Variants in LINGO2 observed in about 807,000 individuals in gnomAD.
The protein encoded by LINGO2 is leucine-rich repeat and immunoglobulin-like domain-containing nogo receptor-interacting protein 2.
In LINGO2, 14 loss-of-function variants were observed where a neutral mutation model predicts 30.6. The observed-to-expected ratio is 0.46, with a 90% CI of 0.30 to 0.72. The LOEUF is 0.72. LINGO2 is among the 30% of genes least tolerant of loss of function. LINGO2 has a pLI of 0.07. For synonymous variants in LINGO2, 317 were observed against 288.5 expected (o/e 1.10, Z -1.00); for missense variants, 729 against 751.7 (o/e 0.97, Z 0.35).
chr9:29,194,049 T>G, the LINGO2 span, among the ~76,000 whole-genome samples: 5 of 152,098 alleles, frequency 3.3e-5, no homozygotes, highest in African/African-American at 9.7e-5. Context: ...ACCACAGTAA[T>G]CTGGGCACTC....
intron 5 of LINGO2, among the ~76,000 whole-genome samples, chr9:27,970,444 A>G (rs1204816117): frequency 2.0e-5 from 3 of 152,202 alleles, no homozygotes; most frequent in East Asian, 3.9e-4. Context: ...TTTAGGAAAA[A>G]CATGTCTAAA....
chr9:28,035,847 T>C (rs749229615), intron 4 of LINGO2, among the ~76,000 whole-genome samples: 26 of 151,846 alleles, frequency 1.7e-4, no homozygotes, highest in Non-Finnish European at 3.4e-4. Context: ...TAGCTATGAA[T>C]TGCTTTTTAA....
At chr9:28,525,448 A>C (rs1482346512) in intron 1 of LINGO2, among the ~76,000 whole-genome samples, 1 of 152,238 alleles carries the variant, frequency 6.6e-6, no homozygotes, top group African/African-American at 2.4e-5. Flanking sequence ...AAAACAAAAT[A>C]TGGTATACCT....
At chr9:29,100,589 T>C in the LINGO2 span, among the ~76,000 whole-genome samples, 1 of 148,742 alleles carries the variant, frequency 6.7e-6, no homozygotes. Flanking sequence ...GCAAGACTCT[T>C]ATCTCAAAAA....
At chr9:28,835,751 T>A in the LINGO2 span, among the ~76,000 whole-genome samples, 2 of 152,188 alleles carry the variant, frequency 1.3e-5, no homozygotes, top group African/African-American at 4.8e-5. Flanking sequence ...AACTTCTTTC[T>A]CATTTGCTAA....
At chr9:28,355,623 G>A (rs1820171558) in intron 3 of LINGO2, among the ~76,000 whole-genome samples, 1 of 152,070 alleles carries the variant, frequency 6.6e-6, no homozygotes, top group South Asian at 2.1e-4. Context: ...CAGGTGGACA[G>A]AGATCCCTAG....
chr9:28,520,636 A>T (rs2135398074), intron 1 of LINGO2, among the ~76,000 whole-genome samples: 1 of 152,264 alleles, frequency 6.6e-6, no homozygotes, highest in South Asian at 2.1e-4. Flanking sequence ...TTTCTCCAGA[A>T]CCTAGAAGAC....
chr9:29,202,085 C>T, the LINGO2 span, among the ~76,000 whole-genome samples: 1 of 152,000 alleles, frequency 6.6e-6, no homozygotes, highest in East Asian at 1.9e-4. Context: ...TTAGTAAGAA[C>T]TAGGTCCAAA....
intron 1 of LINGO2, among the ~76,000 whole-genome samples, chr9:28,632,872 ATATATATG>A (rs1163835868): frequency 0.039 from 4,252 of 109,766 alleles, 130 homozygotes; most frequent in Non-Finnish European, 0.051. Flanking sequence ...ATATATATAT[ATATATATG>A]TAGAGAGAGA....
At chr9:28,312,684 T>C (rs1824677577) in intron 3 of LINGO2, among the ~76,000 whole-genome samples, 1 of 152,084 alleles carries the variant, frequency 6.6e-6, no homozygotes, top group Admixed American at 6.5e-5. Context: ...CAAGACAGAG[T>C]GCAATTATTA....
the LINGO2 span, among the ~76,000 whole-genome samples, chr9:28,815,913 C>A: frequency 2.0e-5 from 3 of 152,156 alleles, no homozygotes; most frequent in Non-Finnish European, 4.4e-5. Flanking sequence ...GAACGGAATA[C>A]CACGGGCTGG....
the LINGO2 span, among the ~76,000 whole-genome samples, chr9:28,816,860 G>C: frequency 6.6e-6 from 1 of 152,076 alleles, no homozygotes; most frequent in Non-Finnish European, 1.5e-5. Context: ...ATTAATAAAA[G>C]AGAGCAAGAC....
At chr9:28,729,603 T>C in the LINGO2 span, among the ~76,000 whole-genome samples, 21 of 151,310 alleles carry the variant, frequency 1.4e-4, 1 homozygote, top group South Asian at 4.4e-3. Flanking sequence ...AAAATCACAA[T>C]ATCCTAAATG....
chr9:28,865,532 C>T, the LINGO2 span, among the ~76,000 whole-genome samples: 1 of 152,096 alleles, frequency 6.6e-6, no homozygotes, highest in Non-Finnish European at 1.5e-5. Flanking sequence ...TCTGTAATCC[C>T]AGCACTTTGA....
chr9:28,220,490 A>AT (rs944572013), intron 4 of LINGO2, among the ~76,000 whole-genome samples: 1 of 152,126 alleles, frequency 6.6e-6, no homozygotes, highest in African/African-American at 2.4e-5. Context: ...TGCTATGGAT[A>AT]TTTTTTTAGA....
At chr9:28,404,695 A>C (rs1487786977) in intron 2 of LINGO2, among the ~76,000 whole-genome samples, 6 of 152,156 alleles carry the variant, frequency 3.9e-5, no homozygotes, top group Admixed American at 3.9e-4. Flanking sequence ...GCATACTTGC[A>C]TCACTTGGGC....
rs1277148153 is a variant in LINGO2 at position 28,130,087 on chromosome 9, T to A, written c.-86-117682A>T. Among the ~76,000 whole-genome samples, 1 of 152,254 alleles carries A rather than the reference T, an allele frequency of 6.6e-6. No homozygotes were observed. On this transcript the variant is annotated intron_variant, in intron 4 of 5. Coordinates refer to ENST00000379992, the Ensembl canonical transcript of LINGO2. This position sits in a 1 kb window ranked among gnomAD's most constrained non-coding sequence, Gnocchi z 5.2. ...ATGAATATAGTTATTGATCTTCAGG[T>A]AAACTCTTGGGGATTTTGTCAATTC...
intron 4 of LINGO2, among the ~76,000 whole-genome samples, chr9:28,186,756 G>T (rs1448647105): frequency 6.6e-6 from 1 of 152,122 alleles, no homozygotes; most frequent in Non-Finnish European, 1.5e-5. Flanking sequence ...AAGAACAGAT[G>T]CGAAGGCCCT....
At chr9:28,942,101 G>A in the LINGO2 span, among the ~76,000 whole-genome samples, 2 of 152,104 alleles carry the variant, frequency 1.3e-5, no homozygotes, top group East Asian at 1.9e-4. Context: ...GGACAAGAAT[G>A]AGAACCATGT....
Sources: gnomAD v4.1 joint callset for allele counts (sites outside exome capture counted in the v4.1 genomes callset) on GRCh38, gnomAD v4.1.1 for gene constraint, Gnocchi (gnomAD v3.1) non-coding constraint, MANE v1.5 for transcripts, NCBI Gene and HGNC (gene_info 2026-07-23, HGNC 2026-07-21) for gene names.